The following PC variants were observed in gnomAD, a reference collection of about 807,000 sequenced individuals.
The protein encoded by PC is pyruvate carboxylase, mitochondrial.
PC carries 46 observed loss-of-function variants against 107.8 expected under a neutral mutation model. The observed-to-expected ratio is 0.43, with a 90% CI of 0.34 to 0.55. PC has a LOEUF of 0.55. Ranked by LOEUF, PC falls within the 20% of genes least tolerant of loss-of-function variation. The pLI, the probability that PC is intolerant of heterozygous loss-of-function variation, is 0.04. For missense variants in PC, 1,241 were observed against 1,643.1 expected (o/e 0.76, Z 4.23); for synonymous variants, 662 against 684.7 (o/e 0.97, Z 0.52).
At chr11:66,925,402 G>C (rs1432808359) in intron 3 of PC, among the ~76,000 whole-genome samples, 1 of 152,106 alleles carries the variant, frequency 6.6e-6, no homozygotes, top group Non-Finnish European at 1.5e-5. Flanking sequence ...TCTTTCTCAG[G>C]GATGTTCCTT....
intron 3 of PC, among the ~76,000 whole-genome samples, chr11:66,947,732 G>A (rs116159112): frequency 0.018 from 2,799 of 151,954 alleles, 79 homozygotes; most frequent in African/African-American, 0.062. Flanking sequence ...CGAGGCTGAG[G>A]TGGGGTGGAT....
Position 66,870,746 on chromosome 11 carries a change from G to A in PC, c.751+29C>T, listed in dbSNP as rs1946692378. On this transcript the variant is annotated intron_variant, in intron 8 of 22. Transcript: ENST00000393960. The surrounding 1 kb of genome is among the most constrained non-coding windows in gnomAD (Gnocchi z 6.1). ...GGCCTCTCAGCTCCCGCCTCCAGCTGCCCCAGGCGGGGCGTCAGGACCACT... is the reference window on the plus strand; with the variant it reads ...GGCCTCTCAGCTCCCGCCTCCAGCTACCCCAGGCGGGGCGTCAGGACCACT... 4 of 1,588,804 alleles carry A rather than the reference G, an allele frequency of 2.5e-6. No homozygotes were observed. Among genetic ancestry groups the A allele is most frequent in the Non-Finnish European group, 3.4e-6 (4 of 1,161,634 alleles).
In PC at chr11:66,851,266, G is replaced by A. The variant is rs778591804; in HGVS notation, c.1997C>T (p.Ala666Val). The A allele has an allele frequency of 3.1e-6, 5 of 1,600,986 alleles. No individual in the cohort carries two copies. In the African/African-American group the frequency reaches 6.7e-5, roughly 21 times the overall value. ...DNVVFKFCEV[A>V]KENGMDVFRV... ...GAAGACATCCATGCCATTCTCTTTG[G>A]CCACTTCACAGAACCTGCAAGGGTG... Residue 666 changes from alanine to valine, a missense_variant, in exon 17 of 23, where the codon GCC (alanine) becomes GTC (valine). Around this residue, in one of 2 missense-constraint regions of PC, gnomAD observed 1,143 missense variants for 1,551.9 expected, o/e 0.74. Coordinates refer to ENST00000393960, the MANE Select transcript of PC (RefSeq NM_001040716.2).
chr11:66,851,808 G>A lies in PC; in HGVS notation c.1964C>T (p.Pro655Leu). Residue 655 changes from proline to leucine, a missense_variant, in exon 16 of 23, where the codon CCA becomes CTA. By Grantham distance (98) the Pro-to-Leu change is moderately conservative. Around this residue, in one of 2 missense-constraint regions of PC, gnomAD observed 1,143 missense variants for 1,551.9 expected, o/e 0.74. Coordinates refer to ENST00000393960, the MANE Select transcript of PC (RefSeq NM_001040716.2). Reference sequence around the variant, plus strand: ...GGCTCACTTGAAGACCACGTTGTCTGGGTAGTTGGTGTAGCCCACAGCATT... The same window carrying A: ...GGCTCACTTGAAGACCACGTTGTCTAGGTAGTTGGTGTAGCCCACAGCATT... ...GANAVGYTNYPDNVVFKFCEV... is the reference protein window; with the variant it reads ...GANAVGYTNYLDNVVFKFCEV... 3.7e-6 allele frequency: 6 copies of A among 1,614,138 alleles called. No individual in the cohort carries two copies. The highest frequency in any genetic ancestry group is 5.1e-6 in the Non-Finnish European group (6 of 1,180,022).
At chr11:66,849,423 C>A in intron 21 of PC, 53 bp from the exon 22 acceptor site, 1 of 1,609,360 alleles carries the variant, frequency 6.2e-7, no homozygotes, top group South Asian at 1.1e-5. Flanking sequence ...GGAGAGCAGT[C>A]CCCCGGCCCT....
Position 66,852,575 on chromosome 11 carries a change from C to T in PC, c.1689G>A (p.Leu563=). 1 of 1,614,040 alleles carries T rather than the reference C, an allele frequency of 6.2e-7. No individual in the cohort carries two copies. The highest frequency in any genetic ancestry group is 8.5e-7 in the Non-Finnish European group (1 of 1,180,016). ...FARAVRNHPG[L]LLMDTTFRDA... The stretch of plus-strand genomic sequence containing the variant: ...CCCTGAAGGTCGTGTCCATCAGCAG[C>T]AGCCCCGGGTGGTTCCGCACAGCTC... The change falls in exon 15 of 23, where the codon CTG becomes CTA. Residue 563 remains leucine, a synonymous_variant. Transcript: ENST00000393960. This position sits in a 1 kb window ranked among gnomAD's most constrained non-coding sequence, Gnocchi z 4.7.
chr11:66,947,100 T>G (rs1206959554), intron 3 of PC, among the ~76,000 whole-genome samples: 1 of 152,006 alleles, frequency 6.6e-6, no homozygotes, highest in Non-Finnish European at 1.5e-5. Flanking sequence ...TAAACATACA[T>G]ACAGCTACCA....
chr11:66,851,534 C>T (rs762324155), intron 16 of PC, among the ~76,000 whole-genome samples: 1 of 152,206 alleles, frequency 6.6e-6, no homozygotes, highest in Non-Finnish European at 1.5e-5. Flanking sequence ...GTTCCAATCC[C>T]AGCCCTGCAC....
intron 3 of PC, among the ~76,000 whole-genome samples, chr11:66,949,804 T>C (rs1447200816): frequency 1.3e-5 from 2 of 152,222 alleles, no homozygotes; most frequent in East Asian, 3.8e-4. Context: ...ACTAGGTTTC[T>C]GAATTCATAA....
chr11:66,956,004 C>T (rs1203223592), intron 1 of PC, among the ~76,000 whole-genome samples: 1 of 151,982 alleles, frequency 6.6e-6, no homozygotes, highest in African/African-American at 2.4e-5. Flanking sequence ...AACTCCTGAC[C>T]TCAGGTGATC....
chr11:66,924,803 TTTGGACA>T (rs1459515434), intron 3 of PC, among the ~76,000 whole-genome samples: 2 of 152,114 alleles, frequency 1.3e-5, no homozygotes, highest in Non-Finnish European at 2.9e-5. Context: ...AGACATGATC[TTTGGACA>T]AAAGGACAAT....
intron 3 of PC, among the ~76,000 whole-genome samples, chr11:66,901,473 ATTT>A (rs1947953702): frequency 6.6e-6 from 1 of 151,620 alleles, no homozygotes; most frequent in South Asian, 2.1e-4. Context: ...AAGGCTATTT[ATTT>A]ATTTTTTTTT....
At chr11:66,927,648 G>A (rs574717495) in intron 3 of PC, among the ~76,000 whole-genome samples, 4 of 151,820 alleles carry the variant, frequency 2.6e-5, no homozygotes, top group Admixed American at 1.3e-4. Context: ...GCTTGAACCC[G>A]GGAGGCAGTG....
chr11:66,851,261 C>T lies in PC; in HGVS notation c.2002G>A (p.Glu668Lys). The T allele has an allele frequency of 6.2e-7, 1 of 1,601,418 alleles. No individual in the cohort carries two copies. The change falls in exon 17 of 23, where the codon GAG becomes AAG. Residue 668 changes from glutamate (E) to lysine (K), a missense_variant. Glu to Lys is a moderately conservative substitution (Grantham distance 56, BLOSUM62 1). This residue lies in a region of PC where 1,143 missense variants were observed against 1,551.9 expected (regional missense o/e 0.74). Transcript: ENST00000393960. ...ACACGGAAGACATCCATGCCATTCT[C>T]TTTGGCCACTTCACAGAACCTGCAA... is the stretch of plus-strand genomic sequence containing the variant. ...VVFKFCEVAK[E>K]NGMDVFRVFD...
At chr11:66,853,217 G>C (rs927662193) in intron 13 of PC, 22 bp downstream of exon 13, 1 of 1,611,982 alleles carries the variant, frequency 6.2e-7, no homozygotes, top group Admixed American at 1.7e-5. Flanking sequence ...GGAGGGCAGG[G>C]CAGGGCAGTC....
intron 3 of PC, among the ~76,000 whole-genome samples, chr11:66,923,496 G>C (rs1948642402): frequency 6.6e-6 from 1 of 152,012 alleles, no homozygotes; most frequent in Admixed American, 6.6e-5. Context: ...GGAATACATA[G>C]GATTTGGGTT....
In PC at chr11:66,849,044, ACCTTGGCCC is replaced by A; in HGVS notation, c.3383_3391del (p.Gly1128_Lys1130del). ...CACACACAGGGGCTGGCCCTTGGCC[ACCTTGGCCC>A]CTGCCACCACTTTGATGTCTATCAC... On this transcript the variant is annotated inframe_deletion, in exon 23 of 23. Coordinates refer to ENST00000393960, the MANE Select transcript of PC (RefSeq NM_001040716.2). 6.2e-7 allele frequency: 1 copy of A among 1,614,016 alleles called. No homozygotes were observed. The highest frequency in any genetic ancestry group is 8.5e-7 in the Non-Finnish European group (1 of 1,180,020).
In PC at chr11:66,872,207, G is replaced by T. The variant is rs1236632837; in HGVS notation, c.1-48C>A. 12 of 1,555,916 alleles carry T rather than the reference G, an allele frequency of 7.7e-6. 1 individual carries two copies. In the South Asian group the frequency reaches 1.3e-4, roughly 17 times the overall value. On this transcript the variant is annotated intron_variant, in intron 3 of 22. Coordinates refer to ENST00000393960, the MANE Select transcript of PC (RefSeq NM_001040716.2). ...AGGTTAGCGCAGCCTCAGCACTGAGGCTCCTCAGAATGAGTGAGGGCCCTT... is the reference window on the plus strand; with the variant it reads ...AGGTTAGCGCAGCCTCAGCACTGAGTCTCCTCAGAATGAGTGAGGGCCCTT...
chr11:66,887,971 A>G (rs1245009197), intron 3 of PC, among the ~76,000 whole-genome samples: 1 of 152,188 alleles, frequency 6.6e-6, no homozygotes, highest in Non-Finnish European at 1.5e-5. Flanking sequence ...TCGTGGCCAC[A>G]TCACTCCCAC....
Sources: allele counts gnomAD v4.1 joint callset (sites outside exome capture counted in the v4.1 genomes callset), GRCh38; gene constraint gnomAD v4.1.1; regional missense constraint gnomAD v4.1.1; non-coding constraint Gnocchi (gnomAD v3.1); transcripts MANE v1.5; gene names NCBI Gene and HGNC (gene_info 2026-07-23, HGNC 2026-07-21).